PRKCA: variants seen among roughly 807,000 people sequenced by gnomAD.
PRKCA encodes protein kinase C alpha type.
In PRKCA, 27 loss-of-function variants were observed where a neutral mutation model predicts 87.0. The observed-to-expected ratio is 0.31, with a 90% confidence interval of 0.23 to 0.43. The LOEUF (loss-of-function observed/expected upper bound fraction) is 0.43. PRKCA is among the 20% of genes least tolerant of loss of function. The pLI is 1.00. For missense variants in PRKCA, 518 were observed against 852.3 expected (o/e 0.61, Z 4.88); for synonymous variants, 329 against 311.1 (o/e 1.06, Z -0.61).
intron 8 of PRKCA, among the ~76,000 whole-genome samples, chr17:66,693,101 A>G (rs762861736): frequency 6.6e-6 from 1 of 152,236 alleles, no homozygotes; most frequent in Non-Finnish European, 1.5e-5. Flanking sequence ...ATTAGGTGGA[A>G]AGTTTTTGCA....
chr17:66,371,673 T>A (rs183545965), intron 2 of PRKCA, among the ~76,000 whole-genome samples: 1 of 152,344 alleles, frequency 6.6e-6, no homozygotes. Context: ...GAATAGGGCC[T>A]GGCATAAAGC....
chr17:66,644,490 A>C (rs16959785), intron 4 of PRKCA, among the ~76,000 whole-genome samples: 7,735 of 152,130 alleles, frequency 0.051, 672 homozygotes, highest in African/African-American at 0.18. Flanking sequence ...TCCGGCACAC[A>C]GGATTCTTTT....
rs531099723 is a variant in PRKCA at position 66,314,593 on chromosome 17, G to T, written c.205+8466G>T. On this transcript the variant is annotated intron_variant, in intron 2 of 16. Transcript: ENST00000413366. Reference sequence around the variant, plus strand: ...TTGCTGTTCCCCCTCCAGTATCCATGAGCAATAGTAGATCCATCTGTCCCG... The same window carrying T: ...TTGCTGTTCCCCCTCCAGTATCCATTAGCAATAGTAGATCCATCTGTCCCG... Among the ~76,000 whole-genome samples, 6 of 152,218 alleles carry T rather than the reference G, an allele frequency of 3.9e-5. No homozygotes were observed. In the East Asian group the frequency reaches 1.2e-3, roughly 29 times the overall value.
intron 3 of PRKCA, among the ~76,000 whole-genome samples, chr17:66,609,792 A>G (rs1970300359): frequency 6.7e-6 from 1 of 148,886 alleles, no homozygotes. Flanking sequence ...GCTTTATTTT[A>G]TTTTTTTTTT....
intron 3 of PRKCA, among the ~76,000 whole-genome samples, chr17:66,572,706 A>G (rs909776884): frequency 6.6e-6 from 1 of 152,114 alleles, no homozygotes; most frequent in Non-Finnish European, 1.5e-5. Context: ...CACATTACCC[A>G]GGCTGGTCTC....
rs576557247 is a variant in PRKCA at position 66,614,608 on chromosome 17, A to G, written c.289-26747A>G. Among the ~76,000 whole-genome samples the G allele has an allele frequency of 3.3e-4, 51 of 152,306 alleles. 1 individual carries two copies. Among genetic ancestry groups the G allele is most frequent in the South Asian group, 2.7e-3 (13 of 4,818 alleles). ...AATTTGGGAGAGATTCTGAAACTAC[A>G]TGGGCCTCAGTTTCCTCATCTGTAA... On this transcript the variant is annotated intron_variant, in intron 3 of 16. Transcript: ENST00000413366.
chr17:66,788,113 A>G (rs1568034899), intron 15 of PRKCA, among the ~76,000 whole-genome samples: 2 of 152,242 alleles, frequency 1.3e-5, no homozygotes, highest in Admixed American at 6.5e-5. Flanking sequence ...TTGAATGGTC[A>G]AGAGTTAGAT....
At chr17:66,317,214 T>C (rs902077773) in intron 2 of PRKCA, among the ~76,000 whole-genome samples, 1 of 152,154 alleles carries the variant, frequency 6.6e-6, no homozygotes, top group African/African-American at 2.4e-5. Flanking sequence ...TCAGAATTTC[T>C]GGTTCATGAT....
At chr17:66,623,227 G>A (rs1037532587) in intron 3 of PRKCA, among the ~76,000 whole-genome samples, 4 of 152,202 alleles carry the variant, frequency 2.6e-5, no homozygotes, top group Non-Finnish European at 2.9e-5. Context: ...GGATAACAAT[G>A]TAAGTATCAC....
chr17:66,765,908 A>T (rs1974802872), intron 13 of PRKCA, among the ~76,000 whole-genome samples: 1 of 152,200 alleles, frequency 6.6e-6, no homozygotes, highest in Admixed American at 6.5e-5. Context: ...TGCAGCGGTG[A>T]GGTTGTGCCC....
intron 3 of PRKCA, among the ~76,000 whole-genome samples, chr17:66,509,499 C>A: frequency 6.6e-6 from 1 of 152,130 alleles, no homozygotes; most frequent in Non-Finnish European, 1.5e-5. Flanking sequence ...CAAGAAGAAT[C>A]CTCTCTTACT....
intron 2 of PRKCA, among the ~76,000 whole-genome samples, chr17:66,366,390 T>C (rs919772009): frequency 1.3e-5 from 2 of 152,178 alleles, no homozygotes; most frequent in African/African-American, 2.4e-5. Context: ...GGCTTTTTCA[T>C]AGGGATATGC....
chr17:66,646,235 C>G (rs1971450934), intron 5 of PRKCA, among the ~76,000 whole-genome samples: 1 of 152,178 alleles, frequency 6.6e-6, no homozygotes, highest in Non-Finnish European at 1.5e-5. Context: ...GTTACTCCCT[C>G]CTCGGGGCTG....
At chr17:66,702,159 C>CA (rs1973079754) in intron 8 of PRKCA, among the ~76,000 whole-genome samples, 1 of 151,802 alleles carries the variant, frequency 6.6e-6, no homozygotes, top group Admixed American at 6.6e-5. Flanking sequence ...TACACACACA[C>CA]ATATATACAT....
chr17:66,578,279 G>A (rs773594965), intron 3 of PRKCA, among the ~76,000 whole-genome samples: 17 of 152,162 alleles, frequency 1.1e-4, no homozygotes, highest in Non-Finnish European at 2.4e-4. Flanking sequence ...AGCCCAGCAA[G>A]TCGGTCCAGG....
At chr17:66,617,174 C>T (rs1366615765) in intron 3 of PRKCA, among the ~76,000 whole-genome samples, 1 of 152,120 alleles carries the variant, frequency 6.6e-6, no homozygotes, top group African/African-American at 2.4e-5. Flanking sequence ...TGTTTCATCT[C>T]AGAGCTTGAT....
intron 3 of PRKCA, among the ~76,000 whole-genome samples, chr17:66,540,521 G>A (rs1214105504): frequency 1.3e-5 from 2 of 152,190 alleles, no homozygotes; most frequent in South Asian, 4.1e-4. Flanking sequence ...TGGGTGGCGG[G>A]CTGCCGTGCG....
intron 8 of PRKCA, among the ~76,000 whole-genome samples, chr17:66,714,225 C>T (rs1338593870): frequency 1.3e-5 from 2 of 151,846 alleles, no homozygotes; most frequent in Non-Finnish European, 2.9e-5. Flanking sequence ...CCCCCCCACC[C>T]GCTGCTTCCT....
At chr17:66,494,793 A>G (rs1916396428) in intron 2 of PRKCA, among the ~76,000 whole-genome samples, 1 of 152,134 alleles carries the variant, frequency 6.6e-6, no homozygotes, top group Admixed American at 6.5e-5. Flanking sequence ...CCTCTATCTT[A>G]TTACCATCAA....
Sources: gnomAD v4.1 joint callset for allele counts (sites outside exome capture counted in the v4.1 genomes callset) on GRCh38, gnomAD v4.1.1 for gene constraint, MANE v1.5 for transcripts, NCBI Gene and HGNC (gene_info 2026-07-23, HGNC 2026-07-21) for gene names.